Variants in FMN1 observed in about 807,000 individuals in gnomAD.
The protein encoded by FMN1 is formin-1.
FMN1 carries 110 observed loss-of-function variants against 132.4 expected under a neutral mutation model. That is an observed-to-expected ratio of 0.83 (90% CI 0.71 to 0.97). The LOEUF is 0.97. Ranked by LOEUF, FMN1 falls within the 50% of genes least tolerant of loss-of-function variation. FMN1 has a pLI of 0.00. For missense variants in FMN1, 1,792 were observed against 1,705.3 expected (o/e 1.05, Z -0.90); for synonymous variants, 722 against 651.7 (o/e 1.11, Z -1.64).
intron 5 of FMN1, chr15:33,067,783 A>T (rs184741064): frequency 6.2e-7 from 1 of 1,614,022 alleles, no homozygotes; most frequent in Non-Finnish European, 8.5e-7. Context: ...GGGATTTCAT[A>T]GAGAACTTAC....
At chr15:32,937,341 A>G (rs780625222) in intron 9 of FMN1, among the ~76,000 whole-genome samples, 2 of 152,154 alleles carry the variant, frequency 1.3e-5, no homozygotes, top group Non-Finnish European at 2.9e-5. Flanking sequence ...CTCTAAATCA[A>G]TGTATTGTGC....
rs534551548 is a variant in FMN1, at chr15:32,953,464, A to G, written c.3138+10643T>C. ...GTCTCAGGTTTCCTTTGCTTTTATC[A>G]CAGTTGGTGAGCTTTGTAAGGTCCG... On this transcript the variant is annotated intron_variant, in intron 9 of 20. Transcript: ENST00000616417. 1.5e-4 allele frequency among the ~76,000 whole-genome samples: 23 copies of G among 152,186 alleles called. No homozygotes were observed. In the South Asian group the frequency reaches 4.6e-3, roughly 30 times the overall value.
chr15:32,997,228 TAG>T (rs916646518), intron 7 of FMN1, among the ~76,000 whole-genome samples: 5 of 151,980 alleles, frequency 3.3e-5, no homozygotes, highest in African/African-American at 1.2e-4. Flanking sequence ...CGTACCTCAG[TAG>T]AGAGAACAGA....
At chr15:32,930,079 T>C (rs1596297134) in intron 9 of FMN1, among the ~76,000 whole-genome samples, 1 of 137,406 alleles carries the variant, frequency 7.3e-6, no homozygotes. Context: ...AAGCTCTGCC[T>C]CCCGGGTTCA....
chr15:32,819,575 T>C (rs2058152921), intron 17 of FMN1, among the ~76,000 whole-genome samples: 1 of 152,202 alleles, frequency 6.6e-6, no homozygotes, highest in Admixed American at 6.5e-5. Flanking sequence ...TGGGACAAGA[T>C]TTATTGCATA....
At chr15:33,059,765 A>G (rs572175969) in intron 6 of FMN1, among the ~76,000 whole-genome samples, 2 of 152,182 alleles carry the variant, frequency 1.3e-5, no homozygotes, top group South Asian at 2.1e-4. Flanking sequence ...ATGACCTAAG[A>G]TGTTTGCAGC....
Position 33,192,265 on chromosome 15 carries a change from A to G in FMN1, c.-197+1644T>C, listed in dbSNP as rs900388653. On this transcript the variant is annotated intron_variant, in intron 2 of 20. Transcript: ENST00000616417. Reference sequence around the variant, plus strand: ...CAATTTTCTATCAAGGATATTTACCATCATCACATCAAGTTCCAGTCTGTC... The same window carrying G: ...CAATTTTCTATCAAGGATATTTACCGTCATCACATCAAGTTCCAGTCTGTC... Among the ~76,000 whole-genome samples, 10 of 152,228 alleles carry G rather than the reference A, an allele frequency of 6.6e-5. No individual in the cohort carries two copies. In the South Asian group the frequency reaches 2.1e-3, roughly 32 times the overall value.
At chr15:32,955,297 G>A (rs913713708) in intron 9 of FMN1, among the ~76,000 whole-genome samples, 3 of 152,156 alleles carry the variant, frequency 2.0e-5, no homozygotes, top group African/African-American at 7.2e-5. Flanking sequence ...ATGTGCCTGT[G>A]AGGGCATGTG....
chr15:33,184,160 C>A (rs184680964), intron 2 of FMN1, among the ~76,000 whole-genome samples: 1 of 152,124 alleles, frequency 6.6e-6, no homozygotes, highest in Non-Finnish European at 1.5e-5. Context: ...CCTAAACATC[C>A]ATGCAGGTAG....
At chr15:33,025,911 C>T (rs2035642302) in intron 6 of FMN1, among the ~76,000 whole-genome samples, 1 of 152,150 alleles carries the variant, frequency 6.6e-6, no homozygotes, top group South Asian at 2.1e-4. Context: ...TTAAAATGCA[C>T]ACCATTACCC....
chr15:33,154,921 T>A lies in FMN1; in HGVS notation c.-7A>T. On this transcript the variant is annotated 5_prime_UTR_variant, in exon 4 of 21. Coordinates refer to ENST00000616417, the MANE Select transcript of FMN1 (RefSeq NM_001277313.2). ...TACAATGAGTGCCTTCCATTATGCC[T>A]ACCTAATTATTCATGCCTTGGAGAT... The A allele has an allele frequency of 6.6e-7, 1 of 1,521,234 alleles. No individual in the cohort carries two copies. Among genetic ancestry groups the A allele is most frequent in the Non-Finnish European group, 8.8e-7 (1 of 1,139,432 alleles). 94.2% of individuals were successfully genotyped at this position (1,521,234 alleles called of 1,614,324 possible).
At chr15:33,048,639 A>AAACAAAAAC in intron 6 of FMN1, among the ~76,000 whole-genome samples, 1 of 126,930 alleles carries the variant, frequency 7.9e-6, no homozygotes, top group African/African-American at 2.8e-5. Context: ...ACCAAAAAAA[A>AAACAAAAAC]AAAAAAAAAA....
intron 3 of FMN1, among the ~76,000 whole-genome samples, chr15:33,166,742 A>G (rs141601974): frequency 6.6e-6 from 1 of 152,306 alleles, no homozygotes; most frequent in Non-Finnish European, 1.5e-5. Flanking sequence ...ATCCAGCGTT[A>G]TTTCACGAAA....
At chr15:33,178,093 A>G (rs1479162617) in intron 3 of FMN1, among the ~76,000 whole-genome samples, 2 of 152,226 alleles carry the variant, frequency 1.3e-5, no homozygotes, top group East Asian at 3.8e-4. Context: ...CTAGAAAAAA[A>G]GCAAATGAAG....
At chr15:33,002,457 G>T (rs1352758226) in intron 7 of FMN1, among the ~76,000 whole-genome samples, 1 of 152,186 alleles carries the variant, frequency 6.6e-6, no homozygotes, top group African/African-American at 2.4e-5. Context: ...GCTAGGGTGG[G>T]TTTTTGTCTG....
At chr15:33,018,956 G>A (rs993737434) in intron 6 of FMN1, among the ~76,000 whole-genome samples, 19 of 152,210 alleles carry the variant, frequency 1.2e-4, no homozygotes, top group African/African-American at 4.3e-4. Flanking sequence ...AGCTCATAAA[G>A]ACAATGTGGG....
intron 4 of FMN1, among the ~76,000 whole-genome samples, chr15:33,118,938 CAT>C (rs1021422361): frequency 3.3e-5 from 5 of 150,624 alleles, no homozygotes; most frequent in African/African-American, 1.2e-4. Context: ...AAATTAGACA[CAT>C]AAATTCTTAG....
At position 33,053,903 on chromosome 15, in the gene FMN1, T is replaced by C. The variant is rs2141190866; in HGVS notation, c.2161+11054A>G. Among the ~76,000 whole-genome samples the C allele has an allele frequency of 1.3e-5, 2 of 152,300 alleles. 1 individual carries two copies. The highest frequency in any genetic ancestry group is 3.9e-4 in the East Asian group (2 of 5,190). ...TCCTTTCTTTGTTTTCTTTTTTCCT[T>C]TTCTTTTCTTTCTTTCGGAGTTTTT... On this transcript the variant is annotated intron_variant, in intron 6 of 20. Transcript: ENST00000616417.
chr15:32,896,634 G>A (rs1241598507), intron 15 of FMN1, among the ~76,000 whole-genome samples: 2 of 151,060 alleles, frequency 1.3e-5, no homozygotes, highest in East Asian at 1.9e-4. Context: ...GACTACTTTA[G>A]ATACTTATTT....
Sources: allele counts gnomAD v4.1 joint callset (sites outside exome capture counted in the v4.1 genomes callset), GRCh38; gene constraint gnomAD v4.1.1; transcripts MANE v1.5; gene names NCBI Gene and HGNC (gene_info 2026-07-23, HGNC 2026-07-21).